Variants in TMEM144 observed in about 807,000 individuals in gnomAD.
TMEM144 encodes transmembrane protein 144.
Under a neutral mutation model 43.6 loss-of-function variants are expected in TMEM144, and 39 were observed. The ratio of observed to expected loss-of-function variants is 0.90; its 90% confidence interval spans 0.69 to 1.17. TMEM144 has a LOEUF of 1.17. Ranked by LOEUF, TMEM144 falls within the 50% of genes most tolerant of loss-of-function variation. The pLI is 0.00. For synonymous variants in TMEM144, 154 were observed against 133.6 expected (o/e 1.15, Z -1.06); for missense variants, 417 against 411.9 (o/e 1.01, Z -0.11).
intron 6 of TMEM144, among the ~76,000 whole-genome samples, chr4:158,219,641 T>G (rs1734415075): frequency 6.6e-6 from 1 of 152,192 alleles, no homozygotes; most frequent in African/African-American, 2.4e-5. Context: ...TTAAGCTTAG[T>G]TTTATCATCT....
intron 11 of TMEM144, among the ~76,000 whole-genome samples, chr4:158,243,727 GTTTAT>G (rs773289732): frequency 6.6e-6 from 1 of 151,616 alleles, no homozygotes; most frequent in Non-Finnish European, 1.5e-5. Flanking sequence ...TTCCTTACAC[GTTTAT>G]TTTAATCTTC....
At chr4:158,232,408 C>T (rs116517095) in intron 6 of TMEM144, among the ~76,000 whole-genome samples, 1,876 of 152,258 alleles carry the variant, frequency 0.012, 19 homozygotes, top group Non-Finnish European at 0.02. Context: ...AGTGGGCCTC[C>T]GGCAGGATTG....
chr4:158,212,343 G>T, intron 2 of TMEM144: 1 of 183,384 alleles, frequency 5.5e-6, no homozygotes, highest in Non-Finnish European at 1.1e-5. Context: ...TGCAGTGATG[G>T]AACCTACACA....
At chr4:158,215,110 A>C (rs1734152330) in intron 3 of TMEM144, 81 bp from the exon 4 acceptor site, 2 of 1,578,526 alleles carry the variant, frequency 1.3e-6, no homozygotes, top group Non-Finnish European at 8.7e-7. Flanking sequence ...CCATTCCTGT[A>C]ATATCACCTC....
chr4:158,221,315 G>A (rs1290264319), intron 6 of TMEM144, among the ~76,000 whole-genome samples: 4 of 152,228 alleles, frequency 2.6e-5, no homozygotes, highest in East Asian at 1.9e-4. Context: ...CTGCCTGACC[G>A]ACTGCTCCTG....
Position 158,252,011 on chromosome 4 carries a change from T to C in TMEM144, c.955-1433T>C, listed in dbSNP as rs149949849. On this transcript the variant is annotated intron_variant, in intron 12 of 12. Transcript: ENST00000296529. The stretch of plus-strand genomic sequence containing the variant: ...AATAAGGAAGCTTGAAACCATTCCA[T>C]ATGAAAAATGGTCAAAGAGCTAAAA... Among the ~76,000 whole-genome samples, 627 of 152,180 alleles carry C rather than the reference T, an allele frequency of 4.1e-3. 3 individuals are homozygous for C. Among genetic ancestry groups the C allele is most frequent in the African/African-American group, 0.014 (586 of 41,520 alleles).
intron 12 of TMEM144, among the ~76,000 whole-genome samples, chr4:158,250,536 T>G (rs1049934494): frequency 2.0e-5 from 3 of 152,210 alleles, no homozygotes. Flanking sequence ...CCCTGTTTCC[T>G]GTGGGAGCCC....
chr4:158,232,963 C>T lies in TMEM144; in HGVS notation c.476C>T (p.Thr159Ile). The change falls in exon 7 of 13, where the codon ACT becomes ATT. Residue 159 changes from threonine to isoleucine, a missense_variant. Physicochemically the swap from Thr to Ile is moderately conservative, Grantham distance 89 (BLOSUM62 -1). Transcript: ENST00000296529. ...AATAACACGTGTTCCATGGATACCACTCCATTAATAACAGAGCATGTGAGT... is the reference window on the plus strand; with the variant it reads ...AATAACACGTGTTCCATGGATACCATTCCATTAATAACAGAGCATGTGAGT... Reference protein sequence around the residue: ...IPNNTCSMDTTPLITEHVINT... With the variant: ...IPNNTCSMDTIPLITEHVINT... 6.2e-7 allele frequency: 1 copy of T among 1,610,256 alleles called. No homozygotes were observed. Among genetic ancestry groups the T allele is most frequent in the Middle Eastern group, 1.7e-4 (1 of 6,048 alleles).
chr4:158,241,897 A>G (rs1423073633), intron 11 of TMEM144, among the ~76,000 whole-genome samples: 2 of 152,202 alleles, frequency 1.3e-5, no homozygotes, highest in Admixed American at 6.5e-5. Context: ...GTAATTTGCT[A>G]TTGATAACTA....
chr4:158,244,985 T>C lies in TMEM144; in HGVS notation c.954+636T>C, dbSNP rs115469015. The stretch of plus-strand genomic sequence containing the variant: ...AGAGGGAAATTTGTTTAAAATATGA[T>C]AAACAAGATGAAAGATTTTTTTTTT... On this transcript the variant is annotated intron_variant, in intron 12 of 12. Transcript: ENST00000296529. Among the ~76,000 whole-genome samples, 1,379 of 152,194 alleles carry C rather than the reference T, an allele frequency of 9.1e-3. 11 individuals carry two copies. The highest frequency in any genetic ancestry group is 0.015 in the Non-Finnish European group (1,004 of 68,010).
At chr4:158,237,266 T>A in intron 8 of TMEM144, 1 of 353,944 alleles carries the variant, frequency 2.8e-6, no homozygotes. Flanking sequence ...ACAACATAAT[T>A]ATAATCCATT....
intron 9 of TMEM144, among the ~76,000 whole-genome samples, chr4:158,239,691 A>G (rs1241793134): frequency 6.6e-6 from 1 of 152,130 alleles, no homozygotes; most frequent in Non-Finnish European, 1.5e-5. Flanking sequence ...CCTATTTTTA[A>G]AAGGGAGGTA....
intron 6 of TMEM144, among the ~76,000 whole-genome samples, chr4:158,221,326 C>G (rs934457397): frequency 6.6e-6 from 1 of 152,166 alleles, no homozygotes; most frequent in Non-Finnish European, 1.5e-5. Flanking sequence ...ACTGCTCCTG[C>G]TGAAACTACT....
chr4:158,251,995 G>A (rs1041355615), intron 12 of TMEM144, among the ~76,000 whole-genome samples: 2 of 152,146 alleles, frequency 1.3e-5, no homozygotes, highest in Admixed American at 1.3e-4. Flanking sequence ...CAATAAGGAA[G>A]CTTGAAACCA....
rs112642682 is a variant in TMEM144 at position 158,247,821 on chromosome 4, T to C, written c.954+3472T>C. Among the ~76,000 whole-genome samples, 845 of 152,036 alleles carry C rather than the reference T, an allele frequency of 5.6e-3. 11 individuals carry two copies. Among genetic ancestry groups the C allele is most frequent in the African/African-American group, 0.02 (810 of 41,482 alleles). ...GCTGTTATAATTAGGTAGTTCTCTC[T>C]AATTACGTTCAGTATAATTCCTGTA... is the stretch of plus-strand genomic sequence containing the variant. On this transcript the variant is annotated intron_variant, in intron 12 of 12. Coordinates refer to ENST00000296529, the MANE Select transcript of TMEM144 (RefSeq NM_018342.5).
chr4:158,245,824 A>G (rs1735866245), intron 12 of TMEM144, among the ~76,000 whole-genome samples: 1 of 152,152 alleles, frequency 6.6e-6, no homozygotes, highest in South Asian at 2.1e-4. Context: ...GCCACTCAGA[A>G]GGCTAAGGAG....
At chr4:158,251,364 A>G (rs1342842655) in intron 12 of TMEM144, among the ~76,000 whole-genome samples, 2 of 152,182 alleles carry the variant, frequency 1.3e-5, no homozygotes, top group Admixed American at 6.5e-5. Flanking sequence ...GGAAGTAGAT[A>G]CAGAAGACTG....
chr4:158,233,094 T>C, intron 7 of TMEM144, 112 bp downstream of exon 7: 1 of 730,652 alleles, frequency 1.4e-6, no homozygotes, highest in South Asian at 2.1e-5. Context: ...CACTCCTGGC[T>C]ATGTAAAATA....
chr4:158,253,570 C>G lies in TMEM144; in HGVS notation c.*43C>G, dbSNP rs759850845. 1 of 1,484,986 alleles carries G rather than the reference C, an allele frequency of 6.7e-7. No homozygotes were observed. The highest frequency in any genetic ancestry group is 9.4e-7 in the Non-Finnish European group (1 of 1,066,114). 92.0% of individuals were successfully genotyped at this position (1,484,986 alleles called of 1,614,324 possible). ...GGTGGCAGCAGTAGTTAAGAGAACGCGTCTATCGGACAGCGGAGAGATCAT... is the reference window on the plus strand; with the variant it reads ...GGTGGCAGCAGTAGTTAAGAGAACGGGTCTATCGGACAGCGGAGAGATCAT... On this transcript the variant is annotated 3_prime_UTR_variant, in exon 13 of 13. Coordinates refer to ENST00000296529, the MANE Select transcript of TMEM144 (RefSeq NM_018342.5).
Sources: allele counts gnomAD v4.1 joint callset (sites outside exome capture counted in the v4.1 genomes callset), GRCh38; gene constraint gnomAD v4.1.1; transcripts MANE v1.5; gene names NCBI Gene and HGNC (gene_info 2026-07-23, HGNC 2026-07-21).